The following LIN7A variants were observed in gnomAD, a reference collection of about 807,000 sequenced individuals.
LIN7A encodes lin-7 cell polarity scaffold A, also known as protein lin-7 homolog A.
A neutral mutation model predicts 29.8 loss-of-function variants in LIN7A; 25 were observed. That is an observed-to-expected ratio of 0.84 (90% CI 0.61 to 1.17). LIN7A has a LOEUF of 1.17. Ranked by LOEUF, LIN7A falls within the 50% of genes most tolerant of loss-of-function variation. The probability of loss-of-function intolerance (pLI) is 0.00; values close to 1 mark genes in which losing one functional copy is unlikely to be tolerated. For missense variants in LIN7A, 239 were observed against 287.0 expected, an observed-to-expected ratio of 0.83 and a Z score of 1.21; for synonymous variants, 118 against 107.5, an observed-to-expected ratio of 1.10 and a Z score of -0.60.
chr12:80,837,943 GCTGGCACATAATAATTT>G (rs944186511), intron 4 of LIN7A, among the ~76,000 whole-genome samples: 1 of 151,744 alleles, frequency 6.6e-6, no homozygotes, highest in Non-Finnish European at 1.5e-5. Flanking sequence ...TAGCTCAGTA[GCTGGCACATAATAATTT>G]CTCTACAAAT....
At chr12:80,821,700 C>A (rs761324018) in intron 4 of LIN7A, among the ~76,000 whole-genome samples, 1 of 152,178 alleles carries the variant, frequency 6.6e-6, no homozygotes, top group East Asian at 1.9e-4. Context: ...CAGCAACAGG[C>A]GGAAACCCCA....
intron 2 of LIN7A, among the ~76,000 whole-genome samples, chr12:80,876,244 G>A (rs1400514367): frequency 1.3e-5 from 2 of 152,040 alleles, no homozygotes; most frequent in African/African-American, 2.4e-5. Flanking sequence ...TCACAGATGA[G>A]TTAAATAGTA....
At chr12:80,816,773 C>A (rs1416701261) in intron 4 of LIN7A, among the ~76,000 whole-genome samples, 1 of 152,060 alleles carries the variant, frequency 6.6e-6, no homozygotes, top group Non-Finnish European at 1.5e-5. Flanking sequence ...GTTTTCTTTG[C>A]TTCGTTTTGT....
At chr12:80,843,866 G>A (rs1249116575) in intron 4 of LIN7A, among the ~76,000 whole-genome samples, 1 of 152,012 alleles carries the variant, frequency 6.6e-6, no homozygotes, top group Non-Finnish European at 1.5e-5. Context: ...CAAGGAATGG[G>A]TAAGTAATTA....
At chr12:80,929,651 T>A (rs1297754895) in intron 1 of LIN7A, among the ~76,000 whole-genome samples, 2 of 152,204 alleles carry the variant, frequency 1.3e-5, no homozygotes, top group African/African-American at 2.4e-5. Context: ...TCTTAGTGAT[T>A]TTCCACGTAG....
chr12:80,842,241 T>C, intron 4 of LIN7A: 1 of 628,544 alleles, frequency 1.6e-6, no homozygotes, highest in Non-Finnish European at 2.3e-6. Context: ...TTAATAGTTC[T>C]GTGTGTGTAT....
At chr12:80,843,245 T>C (rs1053503480) in intron 4 of LIN7A, among the ~76,000 whole-genome samples, 3 of 152,158 alleles carry the variant, frequency 2.0e-5, no homozygotes, top group Non-Finnish European at 4.4e-5. Flanking sequence ...GGGAGGCCCA[T>C]GGCCTATACC....
At position 80,841,365 on chromosome 12, in the gene LIN7A, AAG is replaced by A. The variant is rs1288138869; in HGVS notation, c.483+4363_483+4364del. Among the ~76,000 whole-genome samples, 3 of 140,672 alleles carry A rather than the reference AAG, an allele frequency of 2.1e-5. No homozygotes were observed. The East Asian group carries it at 6.0e-4, about 28-fold the overall frequency. 92.3% of individuals were successfully genotyped at this position (140,672 alleles called of 152,430 possible). A position where few individuals can be genotyped will look rare whatever the true frequency, so the allele number is the denominator to read the frequency against. On this transcript the variant is annotated intron_variant, in intron 4 of 5. Coordinates refer to ENST00000552864, the MANE Select transcript of LIN7A (RefSeq NM_004664.4). ...GAGGGAAGGAAGGAAGGAAGGAAGG[AAG>A]GAAGGAAGGAAGGAAGGAAGGAAGG...
intron 2 of LIN7A, among the ~76,000 whole-genome samples, chr12:80,863,449 T>C (rs7978831): frequency 1 from 152,355 of 152,358 alleles, 76,176 homozygotes; most frequent in Middle Eastern, 1. Context: ...AATCACCTTT[T>C]CAAAGGTGCA....
intron 2 of LIN7A, among the ~76,000 whole-genome samples, chr12:80,883,326 T>C (rs150319756): frequency 1.3e-5 from 2 of 152,334 alleles, no homozygotes; most frequent in African/African-American, 2.4e-5. Context: ...TCCTTCTATG[T>C]TTTCATCCAC....
At chr12:80,845,178 A>T (rs1192747628) in intron 4 of LIN7A, among the ~76,000 whole-genome samples, 1 of 150,126 alleles carries the variant, frequency 6.7e-6, no homozygotes, top group Non-Finnish European at 1.5e-5. Flanking sequence ...CGGAGCTTGC[A>T]GTGAGCTGAG....
chr12:80,880,315 G>T (rs1181078872), intron 2 of LIN7A, among the ~76,000 whole-genome samples: 1 of 151,984 alleles, frequency 6.6e-6, no homozygotes, highest in Non-Finnish European at 1.5e-5. Context: ...AACCTCTCTT[G>T]TCAAATTGTT....
chr12:80,929,657 C>G (rs568921379), intron 1 of LIN7A, among the ~76,000 whole-genome samples: 2 of 152,134 alleles, frequency 1.3e-5, no homozygotes, highest in Non-Finnish European at 2.9e-5. Flanking sequence ...TGATTTTCCA[C>G]GTAGCCTCTG....
rs189029110 is a variant in LIN7A, at chr12:80,903,562, G to A, written c.83-14193C>T. On this transcript the variant is annotated intron_variant, in intron 1 of 5. Transcript: ENST00000552864. ...TTTTATGACTGAATAGTATTGCATG[G>A]TGTATATATACCCCATTATCTTTAC... is the stretch of plus-strand genomic sequence containing the variant. Among the ~76,000 whole-genome samples, 7 of 152,134 alleles carry A rather than the reference G, an allele frequency of 4.6e-5. No individual in the cohort carries two copies. The East Asian group carries it at 1.4e-3, about 29-fold the overall frequency.
chr12:80,908,903 G>A (rs1216372556), intron 1 of LIN7A, among the ~76,000 whole-genome samples: 1 of 151,074 alleles, frequency 6.6e-6, no homozygotes, highest in Non-Finnish European at 1.5e-5. Context: ...ATACTTTATC[G>A]ACATGTTTTG....
intron 5 of LIN7A, among the ~76,000 whole-genome samples, chr12:80,799,953 CCTAGG>C (rs1455867440): frequency 6.6e-6 from 1 of 151,784 alleles, no homozygotes; most frequent in Non-Finnish European, 1.5e-5. Context: ...TTAAGTCCAG[CCTAGG>C]CAACATAGCA....
At position 80,926,912 on chromosome 12, in the gene LIN7A, T is replaced by C. The variant is rs1380695708; in HGVS notation, c.82+10729A>G. ...CACAGCACTCCAGCCTGGGAGACAG[T>C]GCGAGACTCCATCTCAAAAAAAAAA... On this transcript the variant is annotated intron_variant, in intron 1 of 5. Transcript: ENST00000552864. 2.7e-5 allele frequency among the ~76,000 whole-genome samples: 3 copies of C among 111,906 alleles called. No individual in the cohort carries two copies. In the East Asian group the frequency reaches 7.8e-4, roughly 29 times the overall value. 73.4% of individuals were successfully genotyped at this position (111,906 alleles called of 152,430 possible).
chr12:80,897,132 T>G (rs1565920104), intron 1 of LIN7A, among the ~76,000 whole-genome samples: 1 of 152,146 alleles, frequency 6.6e-6, no homozygotes, highest in Non-Finnish European at 1.5e-5. Context: ...AAAACTGAAG[T>G]TTGATTTGCC....
At chr12:80,846,848 A>G (rs1052155619) in intron 3 of LIN7A, among the ~76,000 whole-genome samples, 3 of 152,210 alleles carry the variant, frequency 2.0e-5, no homozygotes, top group African/African-American at 7.2e-5. Context: ...GGTAGTTTCT[A>G]TCAAGAAATG....
Sources: gnomAD v4.1 joint callset for allele counts (sites outside exome capture counted in the v4.1 genomes callset) on GRCh38, gnomAD v4.1.1 for gene constraint, MANE v1.5 for transcripts, NCBI Gene and HGNC (gene_info 2026-07-23, HGNC 2026-07-21) for gene names.